The following TBC1D22B variants were observed in gnomAD, a reference collection of about 807,000 sequenced individuals.
The protein encoded by TBC1D22B is TBC1 domain family member 22B.
TBC1D22B carries 32 observed loss-of-function variants against 69.1 expected under a neutral mutation model. The ratio of observed to expected loss-of-function variants is 0.46; its 90% CI spans 0.35 to 0.62. The LOEUF (loss-of-function observed/expected upper bound fraction) is 0.62. TBC1D22B is among the 20% of genes least tolerant of loss of function. TBC1D22B has a pLI of 0.00. For missense variants in TBC1D22B, 462 were observed against 630.9 expected, an observed-to-expected ratio of 0.73 and a Z score of 2.87; for synonymous variants, 206 against 229.8, an observed-to-expected ratio of 0.90 and a Z score of 0.94.
At chr6:37,293,319 C>T (rs561641988) in intron 8 of TBC1D22B, among the ~76,000 whole-genome samples, 42 of 152,066 alleles carry the variant, frequency 2.8e-4, no homozygotes, top group African/African-American at 8.9e-4. Flanking sequence ...CCTCGTGATC[C>T]GCCCACCTCG....
intron 1 of TBC1D22B, among the ~76,000 whole-genome samples, chr6:37,262,767 C>G (rs979525327): frequency 6.6e-6 from 1 of 152,202 alleles, no homozygotes. Context: ...GTTGCCAACA[C>G]GTTTGGCATT....
rs5875574 is a variant in TBC1D22B, at chr6:37,329,042, T to TA, written c.1390-1992dup. Among the ~76,000 whole-genome samples, 382 of 151,208 alleles carry TA rather than the reference T, an allele frequency of 2.5e-3. 1 individual carries two copies. Among genetic ancestry groups the TA allele is most frequent in the African/African-American group, 8.6e-3 (354 of 41,088 alleles). Reference sequence around the variant, plus strand: ...GCGCCCAGCCCAGAGTAGTTATTACTAAAAAAAAAAGTTATTTCATAACAC... The same window carrying TA: ...GCGCCCAGCCCAGAGTAGTTATTACTAAAAAAAAAAAGTTATTTCATAACAC... On this transcript the variant is annotated intron_variant, in intron 12 of 12. Coordinates refer to ENST00000373491, the MANE Select transcript of TBC1D22B (RefSeq NM_017772.4).
intron 1 of TBC1D22B, 144 bp downstream of exon 1, chr6:37,258,117 T>C (rs1583510450): frequency 1.1e-6 from 1 of 921,568 alleles, no homozygotes; most frequent in Non-Finnish European, 1.6e-6. Context: ...GCAGGGCAGC[T>C]GTCAGGCAGC....
intron 7 of TBC1D22B, among the ~76,000 whole-genome samples, chr6:37,290,131 C>T (rs1767130581): frequency 6.6e-6 from 1 of 152,148 alleles, no homozygotes; most frequent in South Asian, 2.1e-4. Flanking sequence ...ACCATATAAC[C>T]ATTTCCTGTT....
At chr6:37,286,042 C>T (rs1766996803) in intron 6 of TBC1D22B, among the ~76,000 whole-genome samples, 1 of 152,222 alleles carries the variant, frequency 6.6e-6, no homozygotes, top group African/African-American at 2.4e-5. Flanking sequence ...GAGTAAGATT[C>T]TGAAAGATGG....
Position 37,279,568 on chromosome 6 carries a change from G to A in TBC1D22B, c.378G>A (p.Lys126=). The stretch of plus-strand genomic sequence containing the variant: ...CATCGGACGTCCCTGCCAACTACAA[G>A]GTCATAAAGTCCAGCAGTGATGCCC... ...STTSDVPANY[K]VIKSSSDAQL... Residue 126 remains lysine, a synonymous_variant, in exon 3 of 13, where the codon AAG becomes AAA. Transcript: ENST00000373491. The A allele has an allele frequency of 1.2e-6, 2 of 1,614,112 alleles. No individual in the cohort carries two copies. The highest frequency in any genetic ancestry group is 1.7e-6 in the Non-Finnish European group (2 of 1,179,998).
chr6:37,281,872 G>A (rs190981703), intron 3 of TBC1D22B, among the ~76,000 whole-genome samples: 1 of 152,338 alleles, frequency 6.6e-6, no homozygotes, highest in East Asian at 1.9e-4. Context: ...AGTTGCTGCA[G>A]CATCTGGAGT....
In TBC1D22B at chr6:37,330,222, CTTTTTTTTTTTTTTTTTTTTTTT is replaced by C. The variant is rs67372032; in HGVS notation, c.1390-809_1390-787del. 1.5e-4 allele frequency among the ~76,000 whole-genome samples: 11 copies of C among 75,570 alleles called. No individual in the cohort carries two copies. The East Asian group carries it at 3.6e-3, about 25-fold the overall frequency. 49.6% of individuals were successfully genotyped at this position (75,570 alleles called of 152,430 possible). The stretch of plus-strand genomic sequence containing the variant: ...GATGTTATAAATATTTTGTCCGTTT[CTTTTTTTTTTTTTTTTTTTTTTT>C]TTTTTTTTTTTTGAGACAGAGTCTC... On this transcript the variant is annotated intron_variant, in intron 12 of 12. Coordinates refer to ENST00000373491, the MANE Select transcript of TBC1D22B (RefSeq NM_017772.4).
chr6:37,323,986 C>T (rs1387337495), intron 12 of TBC1D22B, among the ~76,000 whole-genome samples: 2 of 152,194 alleles, frequency 1.3e-5, no homozygotes, highest in Non-Finnish European at 2.9e-5. Flanking sequence ...AAGTTTGACT[C>T]TCAACAAGCT....
intron 8 of TBC1D22B, among the ~76,000 whole-genome samples, chr6:37,298,072 G>A (rs1767442895): frequency 6.6e-6 from 1 of 152,184 alleles, no homozygotes; most frequent in Non-Finnish European, 1.5e-5. Flanking sequence ...GGGAGAGATA[G>A]CATTAGGAGA....
chr6:37,292,179 C>T (rs1439793663), intron 8 of TBC1D22B, among the ~76,000 whole-genome samples: 4 of 152,162 alleles, frequency 2.6e-5, no homozygotes. Context: ...GATTCTCTGT[C>T]TCCTTATTAG....
At chr6:37,303,557 TCAAA>T (rs1767627105) in intron 8 of TBC1D22B, among the ~76,000 whole-genome samples, 1 of 152,148 alleles carries the variant, frequency 6.6e-6, no homozygotes, top group African/African-American at 2.4e-5. Flanking sequence ...TGCACACCAT[TCAAA>T]CAGAGACTCG....
intron 12 of TBC1D22B, among the ~76,000 whole-genome samples, chr6:37,322,395 T>C (rs1447216507): frequency 6.6e-6 from 1 of 152,040 alleles, no homozygotes; most frequent in Non-Finnish European, 1.5e-5. Flanking sequence ...CACACACCTG[T>C]AATCCCAGCT....
In TBC1D22B at chr6:37,317,188, G is replaced by A. The variant is rs755414963; in HGVS notation, c.1371G>A (p.Leu457=). ...TGATCAAGTGGAGGAAAGAGATCTT[G>A]GATGAGGAGGATTTTCAGGTGAGTG... ...AFLIKWRKEI[L]DEEDFQGLLM... is the part of the protein sequence containing the mutation. Residue 457 remains leucine, a synonymous_variant, in exon 12 of 13, where the codon TTG becomes TTA. Transcript: ENST00000373491. The A allele has an allele frequency of 4.5e-5, 71 of 1,570,254 alleles. 1 individual carries two copies. In the Middle Eastern group the frequency reaches 5.1e-4, roughly 11 times the overall value.
rs142825785 is a variant in TBC1D22B at position 37,262,619 on chromosome 6, G to C, written c.56+4646G>C. 2.3e-3 allele frequency among the ~76,000 whole-genome samples: 351 copies of C among 152,322 alleles called. 1 individual carries two copies. Among genetic ancestry groups the C allele is most frequent in the African/African-American group, 7.8e-3 (324 of 41,572 alleles). ...TAAAAGTCACAGCCTGTCTGGGCAG[G>C]TACATTACAACTTGTTCTTGGCTTG... On this transcript the variant is annotated intron_variant, in intron 1 of 12. Coordinates refer to ENST00000373491, the MANE Select transcript of TBC1D22B (RefSeq NM_017772.4).
At chr6:37,287,481 C>T (rs543998440) in intron 7 of TBC1D22B, among the ~76,000 whole-genome samples, 1 of 152,300 alleles carries the variant, frequency 6.6e-6, no homozygotes, top group South Asian at 2.1e-4. Flanking sequence ...GTATGACCAT[C>T]ATCACCATCC....
In TBC1D22B at chr6:37,319,796, G is replaced by A. The variant is rs559673019; in HGVS notation, c.1389+2590G>A. On this transcript the variant is annotated intron_variant, in intron 12 of 12. Transcript: ENST00000373491. ...ATGTGCCTGGGTGTTAGGCTAGACA[G>A]GCAGTGTCCTTTAGGAGACAGAATC... 5.3e-5 allele frequency among the ~76,000 whole-genome samples: 8 copies of A among 152,338 alleles called. No homozygotes were observed. The South Asian group carries it at 1.7e-3, about 32-fold the overall frequency.
chr6:37,316,023 A>G (rs1436057832), intron 10 of TBC1D22B, among the ~76,000 whole-genome samples: 2 of 152,254 alleles, frequency 1.3e-5, no homozygotes, highest in East Asian at 1.9e-4. Flanking sequence ...TTTATAGGGT[A>G]GGAAACTGAG....
At chr6:37,259,443 T>C (rs544564667) in intron 1 of TBC1D22B, among the ~76,000 whole-genome samples, 1 of 152,254 alleles carries the variant, frequency 6.6e-6, no homozygotes, top group Admixed American at 6.5e-5. Flanking sequence ...AATTTTGACA[T>C]CCTAAGATTA....
Sources: gnomAD v4.1 joint callset for allele counts (sites outside exome capture counted in the v4.1 genomes callset) on GRCh38, gnomAD v4.1.1 for gene constraint, MANE v1.5 for transcripts, NCBI Gene and HGNC (gene_info 2026-07-23, HGNC 2026-07-21) for gene names.